Variants in LIN28B observed in about 807,000 individuals in gnomAD.
The protein encoded by LIN28B is protein lin-28 homolog B.
In LIN28B, 5 loss-of-function variants were observed where a neutral mutation model predicts 21.9. That is an observed-to-expected ratio of 0.23 (90% CI 0.12 to 0.48). The LOEUF is 0.48. Among genes scored for constraint, LIN28B ranks in the 20% least tolerant of loss-of-function variants. The pLI is 0.98. For missense variants in LIN28B, 245 were observed against 310.5 expected (o/e 0.79, Z 1.58); for synonymous variants, 109 against 111.3 (o/e 0.98, Z 0.13).
chr6:105,051,933 A>C (rs1441759640), intron 3 of LIN28B, among the ~76,000 whole-genome samples: 1 of 152,228 alleles, frequency 6.6e-6, no homozygotes, highest in Non-Finnish European at 1.5e-5. Flanking sequence ...GGTAGTGATA[A>C]ATGCTGTGAA....
upstream of LIN28B, among the ~76,000 whole-genome samples, chr6:104,953,808 A>T (rs1418277238): frequency 1.1e-4 from 17 of 152,090 alleles, no homozygotes. Context: ...CGGGGAGGAG[A>T]GGACGGGTGG....
intron 2 of LIN28B, among the ~76,000 whole-genome samples, chr6:104,985,064 C>A (rs1300930645): frequency 6.6e-6 from 1 of 152,052 alleles, no homozygotes; most frequent in Non-Finnish European, 1.5e-5. Context: ...TTTAAGCTAC[C>A]AGTGTGAAAT....
chr6:105,042,852 A>G (rs578004148), intron 3 of LIN28B, among the ~76,000 whole-genome samples: 97 of 152,138 alleles, frequency 6.4e-4, no homozygotes, highest in Non-Finnish European at 1.2e-3. Context: ...TTCCTTTAAC[A>G]TGAGTACAGA....
At chr6:104,950,415 TA>T in intron 2 of LIN28B, 2 of 1,051,612 alleles carry the variant, frequency 1.9e-6, no homozygotes, top group Non-Finnish European at 2.4e-6. Context: ...AAGAGGCAAT[TA>T]AATAGGCAAT....
chr6:105,062,409 A>C (rs1462070761), intron 3 of LIN28B, among the ~76,000 whole-genome samples: 1 of 152,332 alleles, frequency 6.6e-6, no homozygotes, highest in South Asian at 2.1e-4. Context: ...TTGCTATACC[A>C]GGAAGAACAG....
At chr6:104,957,365 C>A in intron 1 of LIN28B, 105 bp downstream of exon 1, 1 of 627,758 alleles carries the variant, frequency 1.6e-6, no homozygotes, top group Non-Finnish European at 2.6e-6. Context: ...CCCCTTTTAC[C>A]CCAATACTGG....
At chr6:104,953,396 C>A (rs1778245161), upstream of LIN28B, among the ~76,000 whole-genome samples, 1 of 152,088 alleles carries the variant, frequency 6.6e-6, no homozygotes, top group African/African-American at 2.4e-5. Flanking sequence ...ATTCTGGCAT[C>A]TCATAGGAAA....
chr6:105,011,348 G>C (rs1427555433), intron 2 of LIN28B, among the ~76,000 whole-genome samples: 2 of 152,070 alleles, frequency 1.3e-5, no homozygotes, highest in Non-Finnish European at 2.9e-5. Context: ...ATGTCACAAT[G>C]CCTGGCTAAT....
chr6:105,031,666 C>T (rs914853889), intron 3 of LIN28B, among the ~76,000 whole-genome samples: 28 of 151,602 alleles, frequency 1.8e-4, no homozygotes, highest in Non-Finnish European at 1.3e-4. Flanking sequence ...CCCGAGTAGC[C>T]GGGACCACAG....
intron 2 of LIN28B, among the ~76,000 whole-genome samples, chr6:104,968,406 T>A (rs961602480): frequency 9.9e-5 from 15 of 152,236 alleles, no homozygotes; most frequent in African/African-American, 3.6e-4. Context: ...GTGGAGAAAC[T>A]GTTTTTGCCA....
chr6:105,051,997 A>C (rs2114386779), intron 3 of LIN28B, among the ~76,000 whole-genome samples: 1 of 152,358 alleles, frequency 6.6e-6, no homozygotes, highest in African/African-American at 2.4e-5. Flanking sequence ...TTTTAGATTA[A>C]GTAATCAGGA....
intron 2 of LIN28B, among the ~76,000 whole-genome samples, chr6:104,986,829 C>T (rs1031803793): frequency 1.3e-4 from 20 of 152,208 alleles, no homozygotes; most frequent in Admixed American, 1.0e-3. Flanking sequence ...TAATTTGCTG[C>T]AACTCTAGGA....
intron 3 of LIN28B, among the ~76,000 whole-genome samples, chr6:105,064,378 C>T (rs1157117339): frequency 6.6e-6 from 1 of 152,128 alleles, no homozygotes; most frequent in Non-Finnish European, 1.5e-5. Flanking sequence ...TCAGTTGACT[C>T]TCCACTCTCC....
intron 2 of LIN28B, among the ~76,000 whole-genome samples, chr6:104,986,121 A>G (rs1770334790): frequency 6.6e-6 from 1 of 152,082 alleles, no homozygotes; most frequent in South Asian, 2.1e-4. Flanking sequence ...GTTGTTTAAA[A>G]GTGTGTAGCA....
intron 2 of LIN28B, among the ~76,000 whole-genome samples, chr6:104,982,209 G>C: frequency 6.6e-6 from 1 of 151,756 alleles, no homozygotes; most frequent in Non-Finnish European, 1.5e-5. Flanking sequence ...AGCTACTCGG[G>C]AAGCTAAGGC....
intron 2 of LIN28B, chr6:104,940,235 C>A (rs1436625505): frequency 5.9e-6 from 1 of 168,784 alleles, no homozygotes; most frequent in Non-Finnish European, 1.5e-5. Flanking sequence ...GAAAAGAAGA[C>A]CTGGGCTTCA....
chr6:104,971,778 A>T (rs1026496892), intron 2 of LIN28B, among the ~76,000 whole-genome samples: 4 of 152,190 alleles, frequency 2.6e-5, no homozygotes, highest in African/African-American at 4.8e-5. Flanking sequence ...ATTTTAATTA[A>T]TGCTTAAGTT....
intron 2 of LIN28B, among the ~76,000 whole-genome samples, chr6:105,000,108 A>T (rs13340420): frequency 6.6e-6 from 1 of 152,200 alleles, no homozygotes; most frequent in African/African-American, 2.4e-5. Flanking sequence ...ATAAGAGTTT[A>T]CCTGCAAAAA....
At chr6:105,060,255 AT>A (rs932851154) in intron 3 of LIN28B, among the ~76,000 whole-genome samples, 2 of 149,012 alleles carry the variant, frequency 1.3e-5, no homozygotes, top group Non-Finnish European at 3.0e-5. Flanking sequence ...TTGCTAATTC[AT>A]TTTTTTGTTT....
Sources: allele counts gnomAD v4.1 joint callset (sites outside exome capture counted in the v4.1 genomes callset), GRCh38; gene constraint gnomAD v4.1.1; transcripts MANE v1.5; gene names NCBI Gene and HGNC (gene_info 2026-07-23, HGNC 2026-07-21).